The following AFAP1 variants were observed in gnomAD, a reference collection of about 807,000 sequenced individuals.
The protein encoded by AFAP1 is actin filament associated protein 1.
AFAP1 carries 75 observed loss-of-function variants against 93.9 expected under a neutral mutation model. The ratio of observed to expected loss-of-function variants is 0.80; its 90% CI spans 0.66 to 0.97. The LOEUF (loss-of-function observed/expected upper bound fraction) is 0.97, where lower values mean the gene tolerates loss of function less well. Among genes scored for constraint, AFAP1 ranks in the 50% least tolerant of loss-of-function variants. AFAP1 has a pLI of 0.00. For missense variants in AFAP1, 1,201 were observed against 1,050.8 expected (o/e 1.14, Z -1.98); for synonymous variants, 517 against 430.7 (o/e 1.20, Z -2.48).
intron 9 of AFAP1, among the ~76,000 whole-genome samples, chr4:7,808,971 CTCTT>C (rs1577236522): frequency 1.3e-5 from 2 of 152,262 alleles, no homozygotes; most frequent in Non-Finnish European, 1.5e-5. Context: ...ATAAACCTCT[CTCTT>C]TATGAATTAC....
At chr4:7,889,466 T>C (rs1718315875) in intron 1 of AFAP1, among the ~76,000 whole-genome samples, 1 of 142,254 alleles carries the variant, frequency 7.0e-6, no homozygotes, top group Non-Finnish European at 1.5e-5. Flanking sequence ...GGCAGGAGAA[T>C]CATTTGAACC....
intron 1 of AFAP1, among the ~76,000 whole-genome samples, chr4:7,875,569 T>C (rs949089116): frequency 2.0e-5 from 3 of 149,226 alleles, no homozygotes; most frequent in African/African-American, 7.4e-5. Flanking sequence ...CAGTGAGCCA[T>C]GACTGAGTCA....
intron 6 of AFAP1, among the ~76,000 whole-genome samples, chr4:7,819,483 G>A (rs1312082888): frequency 3.3e-5 from 5 of 152,316 alleles, no homozygotes; most frequent in East Asian, 1.9e-4. Context: ...AAGAATGACA[G>A]CAACACGAGA....
chr4:7,816,406 AT>A (rs1437631301), intron 7 of AFAP1, among the ~76,000 whole-genome samples: 1 of 152,230 alleles, frequency 6.6e-6, no homozygotes, highest in African/African-American at 2.4e-5. Context: ...TTTGAAAAAA[AT>A]ATTATGATTA....
At chr4:7,844,540 C>T (rs965357835) in intron 4 of AFAP1, among the ~76,000 whole-genome samples, 1 of 152,218 alleles carries the variant, frequency 6.6e-6, no homozygotes, top group Non-Finnish European at 1.5e-5. Context: ...GATCGCAGCA[C>T]ACCTCAACAC....
chr4:7,895,787 A>C (rs527649533), intron 1 of AFAP1, among the ~76,000 whole-genome samples: 8 of 152,210 alleles, frequency 5.3e-5, no homozygotes, highest in African/African-American at 1.7e-4. Flanking sequence ...TCTTTGCTTC[A>C]AAAAAGCAAA....
chr4:7,891,673 T>C (rs1718480058), intron 1 of AFAP1, among the ~76,000 whole-genome samples: 1 of 141,930 alleles, frequency 7.0e-6, no homozygotes, highest in African/African-American at 2.6e-5. Context: ...GTGAGTCTTC[T>C]AATCCAAAGG....
intron 14 of AFAP1, chr4:7,775,439 G>A (rs1227685117): frequency 6.6e-6 from 1 of 152,592 alleles, no homozygotes; most frequent in Non-Finnish European, 1.5e-5. Context: ...GGAAAAGACA[G>A]GAGTAATATC....
intron 16 of AFAP1, among the ~76,000 whole-genome samples, chr4:7,770,067 C>T (rs572523388): frequency 2.0e-5 from 3 of 152,354 alleles, no homozygotes; most frequent in South Asian, 2.1e-4. Context: ...TGGGCTGCAG[C>T]GGTGCAGAGT....
intron 5 of AFAP1, among the ~76,000 whole-genome samples, chr4:7,841,563 G>A (rs548305192): frequency 6.6e-6 from 1 of 152,286 alleles, no homozygotes; most frequent in East Asian, 1.9e-4. Flanking sequence ...AACATTTAGG[G>A]GAAGAACATG....
intron 11 of AFAP1, among the ~76,000 whole-genome samples, chr4:7,790,373 T>C (rs1436296196): frequency 2.6e-5 from 4 of 152,224 alleles, no homozygotes; most frequent in Non-Finnish European, 5.9e-5. Flanking sequence ...ATAATCTACA[T>C]TCCTTTCTCA....
chr4:7,791,490 CA>C (rs1333311205), intron 11 of AFAP1, among the ~76,000 whole-genome samples: 4 of 152,146 alleles, frequency 2.6e-5, no homozygotes, highest in African/African-American at 9.7e-5. Context: ...GGACCCAAGC[CA>C]AGATGCCCTA....
At chr4:7,849,271 T>A (rs1266941655) in intron 4 of AFAP1, among the ~76,000 whole-genome samples, 1 of 152,118 alleles carries the variant, frequency 6.6e-6, no homozygotes, top group Non-Finnish European at 1.5e-5. Context: ...ACGGCTCCTC[T>A]AGGGCAGGAG....
At chr4:7,894,067 A>C (rs2149210300) in intron 1 of AFAP1, among the ~76,000 whole-genome samples, 1 of 152,324 alleles carries the variant, frequency 6.6e-6, no homozygotes, top group South Asian at 2.1e-4. Context: ...CCTCTGGCTG[A>C]CGTTCACACT....
intron 5 of AFAP1, among the ~76,000 whole-genome samples, chr4:7,838,921 A>C (rs1712650877): frequency 6.6e-6 from 1 of 152,170 alleles, no homozygotes. Context: ...CCATTCACTG[A>C]TTCAGAAAAA....
At chr4:7,809,882 C>T (rs1719860407) in intron 8 of AFAP1, 119 bp from the exon 9 acceptor site, 11 of 1,176,342 alleles carry the variant, frequency 9.4e-6, no homozygotes, top group African/African-American at 1.6e-5. Flanking sequence ...TTATTAAAGA[C>T]AGGGTCTCAC....
At chr4:7,767,847 G>A (rs1315539400) in intron 17 of AFAP1, among the ~76,000 whole-genome samples, 1 of 152,210 alleles carries the variant, frequency 6.6e-6, no homozygotes, top group East Asian at 1.9e-4. Flanking sequence ...TGGGAGGTAG[G>A]AGGATCACTT....
At chr4:7,841,539 G>A (rs1713017783) in intron 5 of AFAP1, among the ~76,000 whole-genome samples, 1 of 152,234 alleles carries the variant, frequency 6.6e-6, no homozygotes, top group Non-Finnish European at 1.5e-5. Flanking sequence ...TAACTTGTGG[G>A]AAGACAGACT....
At chr4:7,863,722 G>A (rs1716021093) in intron 3 of AFAP1, among the ~76,000 whole-genome samples, 1 of 152,062 alleles carries the variant, frequency 6.6e-6, no homozygotes, top group African/African-American at 2.4e-5. Flanking sequence ...TTGAATAAAG[G>A]TATGAAGCAC....
Sources: gnomAD v4.1 joint callset for allele counts (sites outside exome capture counted in the v4.1 genomes callset) on GRCh38, gnomAD v4.1.1 for gene constraint, MANE v1.5 for transcripts, NCBI Gene and HGNC (gene_info 2026-07-23, HGNC 2026-07-21) for gene names.